NME4: variants seen among roughly 807,000 people sequenced by gnomAD.
NME4 encodes the protein nucleoside diphosphate kinase D, mitochondrial.
NME4 carries 21 observed loss-of-function variants against 16.4 expected under a neutral mutation model. That is an observed-to-expected ratio of 1.28 (90% CI 0.91 to 1.84). The LOEUF (loss-of-function observed/expected upper bound fraction) is 1.84. Among genes scored for constraint, NME4 ranks in the 40% most tolerant of loss-of-function variants. NME4 has a pLI of 0.00. For synonymous variants in NME4, 132 were observed against 107.5 expected (o/e 1.23, Z -1.41); for missense variants, 316 against 261.3 (o/e 1.21, Z -1.44).
Position 400,327 on chromosome 16 carries a change from C to T in NME4, c.549C>T (p.Ser183=), listed in dbSNP as rs1567336359. ...VSWADGGQHS[S]IHPA is the part of the protein sequence containing the mutation. ...GGGCAGACGGGGGCCAGCACAGCAG[C>T]ATCCACCCAGCCTGAGGCTCAAGCT... Residue 183 remains serine (S), a synonymous_variant, in exon 5 of 5, where the codon AGC becomes AGT. Transcript: ENST00000219479. 1 of 1,603,904 alleles carries T rather than the reference C, an allele frequency of 6.2e-7. No individual in the cohort carries two copies. Among genetic ancestry groups the T allele is most frequent in the South Asian group, 1.1e-5 (1 of 90,580 alleles).
At position 400,461 on chromosome 16, in the gene NME4, T is replaced by C. The variant is rs2054639400; in HGVS notation, c.*119T>C. The stretch of plus-strand genomic sequence containing the variant: ...AACCACTTACTTCCCTGTTCACCTC[T>C]GCCCCACCCCAGCCCAGAGGAGTTT... On this transcript the variant is annotated 3_prime_UTR_variant, in exon 5 of 5. Coordinates refer to ENST00000219479, the MANE Select transcript of NME4 (RefSeq NM_005009.3). 3 of 1,316,062 alleles carry C rather than the reference T, an allele frequency of 2.3e-6. No homozygotes were observed. Among genetic ancestry groups the C allele is most frequent in the Non-Finnish European group, 3.1e-6 (3 of 981,180 alleles). 81.5% of individuals were successfully genotyped at this position (1,316,062 alleles called of 1,614,324 possible).
Position 400,395 on chromosome 16 carries a change from T to G in NME4, c.*53T>G. 1 of 1,569,006 alleles carries G rather than the reference T, an allele frequency of 6.4e-7. No homozygotes were observed. ...CCCCACGCAGGACCAACTACCTCCG[T>G]CAGCAAGAACCCAAGCCCACATCCA... On this transcript the variant is annotated 3_prime_UTR_variant, in exon 5 of 5. Coordinates refer to ENST00000219479, the MANE Select transcript of NME4 (RefSeq NM_005009.3).
intron 1 of NME4, chr16:398,243 C>T: frequency 2.8e-6 from 4 of 1,419,200 alleles, no homozygotes; most frequent in Non-Finnish European, 3.8e-6. Context: ...GGGCGGAGCT[C>T]AGCGCTGACC....
intron 1 of NME4, 25 bp downstream of exon 1, chr16:397,338 G>T (rs2054563139): frequency 1.0e-6 from 1 of 967,004 alleles, no homozygotes; most frequent in South Asian, 4.9e-5. Context: ...GCGCCCCGGC[G>T]GGGACGCGGA....
At chr16:399,330 G>C (rs1342212028) in intron 2 of NME4, 49 bp from the exon 3 acceptor site, 3 of 1,564,730 alleles carry the variant, frequency 1.9e-6, no homozygotes, top group South Asian at 1.1e-5. Context: ...TGCTGTGCTA[G>C]TGCCCACGTT....
chr16:397,549 C>T (rs1413405657), intron 1 of NME4, among the ~76,000 whole-genome samples: 2 of 123,470 alleles, frequency 1.6e-5, no homozygotes, highest in Non-Finnish European at 3.4e-5. Context: ...TGCAGGCGCC[C>T]GGCGAGTTGG....
rs984062904 is a variant in NME4 at position 397,256 on chromosome 16, G to T, written c.34G>T (p.Gly12Trp). The change falls in exon 1 of 5, where the codon GGG (glycine) becomes TGG (tryptophan). Residue 12 changes from glycine (G) to tryptophan (W), a missense_variant. Physicochemically the swap from Gly to Trp is radical, Grantham distance 184 (BLOSUM62 -2). Coordinates refer to ENST00000219479, the MANE Select transcript of NME4 (RefSeq NM_005009.3). ...GGLFWRSALRGLRCGPRAPGP... is the reference protein window; with the variant it reads ...GGLFWRSALRWLRCGPRAPGP... ...CCTCTTCTGGCGCTCCGCGCTGCGG[G>T]GGCTGCGCTGCGGCCCGCGGGCCCC... 19 of 1,048,856 alleles carry T rather than the reference G, an allele frequency of 1.8e-5. No homozygotes were observed. The African/African-American group carries it at 2.1e-4, about 11-fold the overall frequency. 65.0% of individuals were successfully genotyped at this position (1,048,856 alleles called of 1,614,324 possible). A position where few individuals can be genotyped will look rare whatever the true frequency, so the allele number is the denominator to read the frequency against.
chr16:397,843 C>A (rs779526152), intron 1 of NME4: 2 of 1,544,966 alleles, frequency 1.3e-6, no homozygotes, highest in Non-Finnish European at 1.7e-6. Flanking sequence ...GCCCGGCCCC[C>A]CCAGCTGCCA....
chr16:397,153 G>A (rs2141782678), upstream of NME4: 2 of 606,860 alleles, frequency 3.3e-6, no homozygotes, highest in Non-Finnish European at 4.1e-6. Context: ...GCGGGCGGGG[G>A]CGGGTCTCGG....
intron 2 of NME4, 31 bp from the exon 3 acceptor site, chr16:399,348 T>C (rs2054610258): frequency 6.2e-7 from 1 of 1,603,294 alleles, no homozygotes; most frequent in Non-Finnish European, 8.5e-7. Context: ...GTTTACTGTC[T>C]GCGGCTCCTC....
chr16:398,450 TG>T (rs2054594077), intron 1 of NME4: 1 of 1,168,350 alleles, frequency 8.6e-7, no homozygotes, highest in Non-Finnish European at 1.1e-6. Context: ...GGGTGGGCTC[TG>T]GGTTCTTCCT....
intron 4 of NME4, 102 bp from the exon 5 acceptor site, chr16:400,117 T>G (rs753276823): frequency 4.0e-5 from 60 of 1,508,162 alleles, no homozygotes; most frequent in African/African-American, 5.8e-5. Context: ...AGTCACAGGC[T>G]TGCTCCCCTA....
intron 1 of NME4, chr16:398,208 C>A: frequency 6.8e-7 from 1 of 1,465,410 alleles, no homozygotes; most frequent in East Asian, 3.0e-5. Flanking sequence ...TCCCTGGCAG[C>A]GTCCCCTCCA....
chr16:399,171 G>T, intron 2 of NME4, 48 bp downstream of exon 2: 1 of 1,602,478 alleles, frequency 6.2e-7, no homozygotes. Context: ...ATGGGGTTGG[G>T]GGATCCTTCT....
At chr16:398,035 G>A in intron 1 of NME4, 2 of 1,533,992 alleles carry the variant, frequency 1.3e-6, no homozygotes, top group Non-Finnish European at 1.8e-6. Flanking sequence ...CCGCCTGCTG[G>A]GGTTAACTTT....
intron 4 of NME4, chr16:399,972 G>GGTT: frequency 1.5e-6 from 1 of 668,256 alleles, no homozygotes; most frequent in Non-Finnish European, 2.6e-6. Context: ...CACCCCAAGG[G>GGTT]GTTGGCACGG....
chr16:398,824 T>C (rs2054600475), intron 1 of NME4, 166 bp from the exon 2 acceptor site: 12 of 864,890 alleles, frequency 1.4e-5, no homozygotes, highest in Admixed American at 5.1e-5. Context: ...GGGACTATCA[T>C]GGGGGTGTTT....
intron 4 of NME4, 87 bp from the exon 5 acceptor site, chr16:400,130 CAG>C (rs763029202): frequency 1.9e-5 from 30 of 1,560,648 alleles, no homozygotes; most frequent in Non-Finnish European, 2.6e-5. Context: ...CTCCCCTAGA[CAG>C]AGGGCAACGG....
At position 400,467 on chromosome 16, in the gene NME4, A is replaced by C. The variant is rs1597190085; in HGVS notation, c.*125A>C. On this transcript the variant is annotated 3_prime_UTR_variant, in exon 5 of 5. Coordinates refer to ENST00000219479, the MANE Select transcript of NME4 (RefSeq NM_005009.3). ...TTACTTCCCTGTTCACCTCTGCCCC[A>C]CCCCAGCCCAGAGGAGTTTGAGCCA... The C allele has an allele frequency of 7.9e-7, 1 of 1,259,034 alleles. No homozygotes were observed. Among genetic ancestry groups the C allele is most frequent in the Non-Finnish European group, 1.1e-6 (1 of 940,084 alleles). 78.0% of individuals were successfully genotyped at this position (1,259,034 alleles called of 1,614,324 possible).
Sources: allele counts gnomAD v4.1 joint callset (sites outside exome capture counted in the v4.1 genomes callset), GRCh38; gene constraint gnomAD v4.1.1; transcripts MANE v1.5; gene names NCBI Gene and HGNC (gene_info 2026-07-23, HGNC 2026-07-21).